Variants in MSANTD7 observed in about 807,000 individuals in gnomAD.
The protein encoded by MSANTD7 is Myb/SANT DNA binding domain containing 7.
the MSANTD7 span, chr10:14,843,821 A>C: frequency 2.0e-6 from 3 of 1,536,410 alleles, no homozygotes; most frequent in Non-Finnish European, 2.6e-6. Context: ...ACAGCAGTGG[A>C]AGAGGCAACT....
At chr10:14,845,338 G>T in the MSANTD7 span, 5 of 985,360 alleles carry the variant, frequency 5.1e-6, no homozygotes, top group Non-Finnish European at 6.0e-6. Flanking sequence ...GTTGGGGGAG[G>T]TTTTATTTTC....
chr10:14,845,774 C>A, the MSANTD7 span: 1 of 172,904 alleles, frequency 5.8e-6, no homozygotes, highest in Non-Finnish European at 1.1e-5. Flanking sequence ...GTTGGCCAGG[C>A]TAGTCTTGAA....
chr10:14,842,276 C>T, the MSANTD7 span: 2 of 1,534,942 alleles, frequency 1.3e-6, no homozygotes, highest in Non-Finnish European at 1.7e-6. This position sits in a 1 kb window ranked among gnomAD's most constrained non-coding sequence, Gnocchi z 5.2. Context: ...CCCTCCTTTC[C>T]AACCCACAAT....
the MSANTD7 span, chr10:14,844,411 T>C: frequency 1.0e-6 from 1 of 994,656 alleles, no homozygotes; most frequent in African/African-American, 1.7e-5. Flanking sequence ...CTTGAATCTT[T>C]CCTTTGCTGG....
chr10:14,846,323 A>G, the MSANTD7 span: 32 of 985,430 alleles, frequency 3.2e-5, no homozygotes, highest in Admixed American at 3.7e-4. Context: ...AGCAAAGTGC[A>G]TAAGACAGGG....
the MSANTD7 span, chr10:14,844,480 C>T: frequency 1.1e-5 from 11 of 983,956 alleles, no homozygotes; most frequent in African/African-American, 2.0e-4. Flanking sequence ...CTGTGTGGCT[C>T]ATTAGACGAC....
the MSANTD7 span, chr10:14,840,031 C>A: frequency 6.9e-7 from 1 of 1,441,208 alleles, no homozygotes; most frequent in Non-Finnish European, 9.6e-7. Flanking sequence ...TTTAAAATTA[C>A]ATACATTGTA....
At chr10:14,838,522 C>T in the MSANTD7 span, 1 of 1,466,912 alleles carries the variant, frequency 6.8e-7, no homozygotes, top group Non-Finnish European at 9.3e-7. Context: ...GGCGCTGGGT[C>T]ATCCACAGGC....
the MSANTD7 span, chr10:14,846,996 T>G: frequency 1.0e-6 from 1 of 985,494 alleles, no homozygotes; most frequent in Non-Finnish European, 1.2e-6. Context: ...TTCACTTGTA[T>G]GTAGTTGTGG....
the MSANTD7 span, chr10:14,838,573 G>A: frequency 1.9e-6 from 2 of 1,059,546 alleles, no homozygotes; most frequent in Non-Finnish European, 2.7e-6. Context: ...GTCGTGGAGT[G>A]GCGTTGCCGC....
the MSANTD7 span, chr10:14,842,672 G>A: frequency 9.8e-6 from 15 of 1,536,160 alleles, no homozygotes; most frequent in African/African-American, 9.6e-5. This position sits in a 1 kb window ranked among gnomAD's most constrained non-coding sequence, Gnocchi z 5.2. Flanking sequence ...GGCCTCTGAC[G>A]CCCCAGGGGA....
the MSANTD7 span, chr10:14,846,493 G>A: frequency 5.1e-6 from 5 of 985,346 alleles, no homozygotes; most frequent in Non-Finnish European, 6.0e-6. Flanking sequence ...AAATATTAAG[G>A]GGAGGGAAAT....
the MSANTD7 span, chr10:14,846,227 G>C: frequency 2.0e-6 from 2 of 975,612 alleles, no homozygotes; most frequent in Non-Finnish European, 2.4e-6. Context: ...TCAATTATAG[G>C]TAGGTAGGTA....
At chr10:14,844,911 C>T in the MSANTD7 span, 1 of 985,160 alleles carries the variant, frequency 1.0e-6, no homozygotes, top group African/African-American at 1.7e-5. Context: ...CAGGGCAAGC[C>T]CTAGAAACGT....
the MSANTD7 span, chr10:14,842,968 C>T: frequency 1.3e-5 from 10 of 788,518 alleles, no homozygotes; most frequent in East Asian, 1.1e-4. This position sits in a 1 kb window ranked among gnomAD's most constrained non-coding sequence, Gnocchi z 5.2. Flanking sequence ...TTCTGCCCCA[C>T]GCACCTTTTC....
the MSANTD7 span, chr10:14,838,381 C>A: frequency 6.3e-7 from 1 of 1,592,558 alleles, no homozygotes; most frequent in Non-Finnish European, 8.5e-7. Context: ...CTCATTCCTG[C>A]CGCTGCCGTC....
chr10:14,842,257 G>A, the MSANTD7 span: 2 of 1,535,344 alleles, frequency 1.3e-6, no homozygotes, highest in South Asian at 1.2e-5. The surrounding 1 kb of genome is among the most constrained non-coding windows in gnomAD (Gnocchi z 5.2). Context: ...CTGTCCAGAA[G>A]CTGCCTAGCC....
the MSANTD7 span, chr10:14,840,071 T>C: frequency 7.8e-7 from 1 of 1,278,934 alleles, no homozygotes. Context: ...ATTTTTTTTT[T>C]CAGATTGTTG....
chr10:14,838,387 C>T, the MSANTD7 span: 6 of 1,597,802 alleles, frequency 3.8e-6, no homozygotes, highest in Non-Finnish European at 5.1e-6. Context: ...CCTGCCGCTG[C>T]CGTCCCTGCT....
Sources: gnomAD v4.1 joint callset for allele counts on GRCh38, gnomAD v4.1.1 for gene constraint, Gnocchi (gnomAD v3.1) non-coding constraint, MANE v1.5 for transcripts, NCBI Gene and HGNC (gene_info 2026-07-23, HGNC 2026-07-21) for gene names.